MSI2: variants seen among roughly 807,000 people sequenced by gnomAD.
The protein encoded by MSI2 is musashi RNA binding protein 2, also known as RNA-binding protein Musashi homolog 2.
MSI2 carries 17 observed loss-of-function variants against 45.6 expected under a neutral mutation model. That is an observed-to-expected ratio of 0.37 (90% CI 0.26 to 0.56). The LOEUF is 0.56. Ranked by LOEUF, MSI2 falls within the 20% of genes least tolerant of loss-of-function variation. The probability of loss-of-function intolerance (pLI) is 0.77; values close to 1 mark genes in which losing one functional copy is unlikely to be tolerated. For missense variants in MSI2, 293 were observed against 444.2 expected, an observed-to-expected ratio of 0.66 and a Z score of 3.06; for synonymous variants, 156 against 158.2, an observed-to-expected ratio of 0.99 and a Z score of 0.11.
intron 5 of MSI2, among the ~76,000 whole-genome samples, chr17:57,301,985 T>A (rs1911454264): frequency 6.6e-6 from 1 of 152,234 alleles, no homozygotes; most frequent in Admixed American, 6.5e-5. Context: ...TCTGCATCCT[T>A]ATAGACAGTT....
At chr17:57,660,742 T>C (rs1324100448) in intron 11 of MSI2, among the ~76,000 whole-genome samples, 3 of 152,178 alleles carry the variant, frequency 2.0e-5, no homozygotes, top group Non-Finnish European at 4.4e-5. Flanking sequence ...GGGAACATCA[T>C]GGGCAAAGCC....
chr17:57,647,493 C>T (rs558429763), intron 10 of MSI2, among the ~76,000 whole-genome samples: 144 of 151,858 alleles, frequency 9.5e-4, no homozygotes, highest in African/African-American at 3.4e-3. Flanking sequence ...TTCAGGCCCC[C>T]TGTGTGCTTA....
At chr17:57,363,237 A>C (rs1201372046) in intron 5 of MSI2, among the ~76,000 whole-genome samples, 1 of 152,202 alleles carries the variant, frequency 6.6e-6, no homozygotes, top group African/African-American at 2.4e-5. Flanking sequence ...AAGACGTGCT[A>C]AGTGAAATCA....
rs1444605128 is a variant in MSI2, at chr17:57,280,719, T to A, written c.312+18527T>A. ...GGTAAACTTGTTTTTGAGCTTGCAC[T>A]GTATACATATTTATTTATAAATGAC... On this transcript the variant is annotated intron_variant, in intron 5 of 13. Coordinates refer to ENST00000284073, the MANE Select transcript of MSI2 (RefSeq NM_138962.4). The surrounding 1 kb of genome is among the most constrained non-coding windows in gnomAD (Gnocchi z 4.2). 6.6e-6 allele frequency among the ~76,000 whole-genome samples: 1 copy of A among 152,206 alleles called. No homozygotes were observed. Among genetic ancestry groups the A allele is most frequent in the Admixed American group, 6.5e-5 (1 of 15,288 alleles).
rs1459700159 is a variant in MSI2, at chr17:57,459,464, T to C, written c.405+57993T>C. ...CTGACATCAGAATGGTAGGAGGCCC[T>C]GAACTTTTGACCTCTGGCTCCAGGT... On this transcript the variant is annotated intron_variant, in intron 6 of 13. Coordinates refer to ENST00000284073, the MANE Select transcript of MSI2 (RefSeq NM_138962.4). Among the ~76,000 whole-genome samples, 4 of 152,200 alleles carry C rather than the reference T, an allele frequency of 2.6e-5. No individual in the cohort carries two copies. In the East Asian group the frequency reaches 5.8e-4, roughly 22 times the overall value.
At position 57,683,233 on chromosome 17, in the gene MSI2, A is replaced by ACATCTTGC. The variant is rs1913721720; in HGVS notation, c.*3716_*3717insCATCTTGC. On this transcript the variant is annotated 3_prime_UTR_variant, in exon 14 of 14. Transcript: ENST00000284073. This position sits in a 1 kb window ranked among gnomAD's most constrained non-coding sequence, Gnocchi z 5.2. ...GTTACACACATCTTGCTAGACTAGT[A>ACATCTTGC]TAAAAATCATTGGGTAATTGTTGGT... 7 of 229,988 alleles carry ACATCTTGC rather than the reference A, an allele frequency of 3.0e-5. No homozygotes were observed. The highest frequency in any genetic ancestry group is 2.8e-4 in the Admixed American group (5 of 17,676). 14.2% of individuals were successfully genotyped at this position (229,988 alleles called of 1,614,324 possible). A position where few individuals can be genotyped will look rare whatever the true frequency, so the allele number is the denominator to read the frequency against.
chr17:57,314,592 A>G (rs1385951890), intron 5 of MSI2, among the ~76,000 whole-genome samples: 27 of 74,880 alleles, frequency 3.6e-4, no homozygotes, highest in South Asian at 4.4e-4. Flanking sequence ...TTTTTTTTTG[A>G]GATGGAGCCT....
chr17:57,274,096 C>A (rs1908648900), intron 5 of MSI2, among the ~76,000 whole-genome samples: 1 of 152,180 alleles, frequency 6.6e-6, no homozygotes, highest in Non-Finnish European at 1.5e-5. Context: ...ATAGAGAAAT[C>A]ATGAAACCAG....
chr17:57,515,227 G>A lies in MSI2; in HGVS notation c.406-14449G>A, dbSNP rs900355992. ...ATTTTGTTTTGTTTTGTTTTGAGACGGAGTCTCGCTCTGTTGCCCAGACTG... is the reference window on the plus strand; with the variant it reads ...ATTTTGTTTTGTTTTGTTTTGAGACAGAGTCTCGCTCTGTTGCCCAGACTG... On this transcript the variant is annotated intron_variant, in intron 6 of 13. Transcript: ENST00000284073. Among the ~76,000 whole-genome samples the A allele has an allele frequency of 1.3e-4, 20 of 152,204 alleles. No homozygotes were observed. The East Asian group carries it at 2.5e-3, about 19-fold the overall frequency.
intron 7 of MSI2, among the ~76,000 whole-genome samples, chr17:57,581,320 G>A (rs1227409955): frequency 6.6e-6 from 1 of 152,030 alleles, no homozygotes; most frequent in Admixed American, 6.6e-5. Context: ...GCTGAAGTCA[G>A]CATCTTTATT....
At chr17:57,442,930 G>C (rs2084826995) in intron 6 of MSI2, among the ~76,000 whole-genome samples, 1 of 152,156 alleles carries the variant, frequency 6.6e-6, no homozygotes, top group African/African-American at 2.4e-5. Context: ...GCGCTAATGG[G>C]AGAGACCCTA....
At chr17:57,698,917 G>GTGTC in the MSI2 span, among the ~76,000 whole-genome samples, 2 of 149,698 alleles carry the variant, frequency 1.3e-5, no homozygotes, top group East Asian at 3.9e-4. Context: ...GTGTGTGTGT[G>GTGTC]TGTGTGTGTG....
chr17:57,540,803 A>C (rs1041687760), intron 7 of MSI2, among the ~76,000 whole-genome samples: 1 of 152,204 alleles, frequency 6.6e-6, no homozygotes, highest in Non-Finnish European at 1.5e-5. Flanking sequence ...CTAGCTTTCA[A>C]AACTGAGACA....
intron 6 of MSI2, among the ~76,000 whole-genome samples, chr17:57,463,251 T>C (rs1365978293): frequency 6.6e-6 from 1 of 152,156 alleles, no homozygotes; most frequent in Admixed American, 6.5e-5. Context: ...CCTTCCAGCA[T>C]TGTGTATGTA....
intron 5 of MSI2, among the ~76,000 whole-genome samples, chr17:57,339,916 A>T (rs1914991874): frequency 6.6e-6 from 1 of 152,096 alleles, no homozygotes; most frequent in South Asian, 2.1e-4. Context: ...CCTGGCCTCC[A>T]GTGTGGCGGT....
intron 9 of MSI2, among the ~76,000 whole-genome samples, chr17:57,623,940 G>GA (rs1908548509): frequency 6.6e-6 from 1 of 152,218 alleles, no homozygotes; most frequent in South Asian, 2.1e-4. Context: ...TGGGGGTGGA[G>GA]ATAAGATCCC....
rs936285308 is a variant in MSI2 at position 57,552,516 on chromosome 17, C to T, written c.454+22792C>T. 1.3e-5 allele frequency among the ~76,000 whole-genome samples: 2 copies of T among 152,192 alleles called. No homozygotes were observed. The highest frequency in any genetic ancestry group is 2.4e-5 in the African/African-American group (1 of 41,444). On this transcript the variant is annotated intron_variant, in intron 7 of 13. Coordinates refer to ENST00000284073, the MANE Select transcript of MSI2 (RefSeq NM_138962.4). This position sits in a 1 kb window ranked among gnomAD's most constrained non-coding sequence, Gnocchi z 4.3. ...GCCGTCCTGGACCTGCCTCCATCCC[C>T]GGAGGTCTTGGCTCATGGGCTTTCT...
chr17:57,286,083 C>A, intron 5 of MSI2: 1 of 1,040,738 alleles, frequency 9.6e-7, no homozygotes, highest in Non-Finnish European at 1.3e-6. Context: ...TTCCTTCTTT[C>A]TTCTTTATTT....
intron 6 of MSI2, among the ~76,000 whole-genome samples, chr17:57,460,002 A>G (rs149151516): frequency 0.04 from 6,022 of 151,724 alleles, 365 homozygotes; most frequent in African/African-American, 0.13. Flanking sequence ...GATGACAGGC[A>G]CCTGTAATCT....
Sources: gnomAD v4.1 joint callset for allele counts (sites outside exome capture counted in the v4.1 genomes callset) on GRCh38, gnomAD v4.1.1 for gene constraint, Gnocchi (gnomAD v3.1) non-coding constraint, MANE v1.5 for transcripts, NCBI Gene and HGNC (gene_info 2026-07-23, HGNC 2026-07-21) for gene names.